Variants in CATSPERE observed in about 807,000 individuals in gnomAD.
The protein encoded by CATSPERE is cation channel sperm-associated auxiliary subunit epsilon.
A neutral mutation model predicts 114.1 loss-of-function variants in CATSPERE; 93 were observed. The ratio of observed to expected loss-of-function variants is 0.81; its 90% CI spans 0.69 to 0.97. The LOEUF is 0.97. Among genes scored for constraint, CATSPERE ranks in the 50% least tolerant of loss-of-function variants. The pLI is 0.00. For missense variants in CATSPERE, 1,058 were observed against 1,131.6 expected (o/e 0.93, Z 0.93); for synonymous variants, 341 against 384.1 (o/e 0.89, Z 1.31).
intron 13 of CATSPERE, among the ~76,000 whole-genome samples, chr1:244,587,125 T>C (rs1572890273): frequency 6.6e-6 from 1 of 152,244 alleles, no homozygotes; most frequent in African/African-American, 2.4e-5. Flanking sequence ...TGAGATTTAA[T>C]GAAGCTAATA....
At chr1:244,484,496 C>T (rs1441240041) in intron 5 of CATSPERE, among the ~76,000 whole-genome samples, 3 of 152,108 alleles carry the variant, frequency 2.0e-5, no homozygotes, top group Non-Finnish European at 4.4e-5. Context: ...TTCAGATGAG[C>T]GGTCTTATGC....
At chr1:244,531,724 G>T (rs566593758) in intron 8 of CATSPERE, among the ~76,000 whole-genome samples, 41 of 152,058 alleles carry the variant, frequency 2.7e-4, no homozygotes, top group Non-Finnish European at 2.5e-4. Context: ...CATTGAATTC[G>T]GTTTGTTACC....
rs372397620 is a variant in CATSPERE at position 244,568,535 on chromosome 1, G to T, written c.1508-3795G>T. Among the ~76,000 whole-genome samples, 10 of 152,344 alleles carry T rather than the reference G, an allele frequency of 6.6e-5. No individual in the cohort carries two copies. The highest frequency in any genetic ancestry group is 1.9e-4 in the East Asian group (1 of 5,182). On this transcript the variant is annotated intron_variant, in intron 10 of 21. Transcript: ENST00000366534. The surrounding 1 kb of genome is among the most constrained non-coding windows in gnomAD (Gnocchi z 4.4). ...GCTGCTGCCTTTCTTTCAGAGATGC[G>T]CTGCCCAGAGAGGAGGAATCTAGAG... is the stretch of plus-strand genomic sequence containing the variant.
At chr1:244,481,629 AC>A (rs974948171) in intron 5 of CATSPERE, among the ~76,000 whole-genome samples, 2 of 151,876 alleles carry the variant, frequency 1.3e-5, no homozygotes, top group African/African-American at 4.8e-5. Flanking sequence ...CACCCCATTT[AC>A]CCCCAAATTT....
upstream of CATSPERE, among the ~76,000 whole-genome samples, chr1:244,453,459 T>C (rs915825171): frequency 6.6e-6 from 1 of 152,234 alleles, no homozygotes; most frequent in African/African-American, 2.4e-5. Flanking sequence ...ATGAATTGGC[T>C]CTGTCTAGGC....
intron 21 of CATSPERE, among the ~76,000 whole-genome samples, chr1:244,635,859 C>A (rs1157868282): frequency 6.6e-6 from 1 of 152,128 alleles, no homozygotes; most frequent in Non-Finnish European, 1.5e-5. Flanking sequence ...TTCCCTGAAG[C>A]CCTGGTACTT....
chr1:244,510,349 T>TA (rs1489129781), intron 7 of CATSPERE, among the ~76,000 whole-genome samples: 1 of 152,236 alleles, frequency 6.6e-6, no homozygotes, highest in Non-Finnish European at 1.5e-5. Flanking sequence ...AGGAGCATGT[T>TA]GTTTAATTTC....
At chr1:244,557,341 A>G (rs758319953) in intron 9 of CATSPERE, among the ~76,000 whole-genome samples, 3 of 151,076 alleles carry the variant, frequency 2.0e-5, no homozygotes, top group Non-Finnish European at 4.4e-5. Flanking sequence ...CATTTTAACA[A>G]TAGTAATTAT....
chr1:244,563,125 A>G (rs879483229), intron 10 of CATSPERE, among the ~76,000 whole-genome samples: 6 of 152,164 alleles, frequency 3.9e-5, no homozygotes, highest in Non-Finnish European at 7.3e-5. Flanking sequence ...TTCTTTATCC[A>G]GTCTATCACT....
chr1:244,599,765 C>A (rs531555491), intron 17 of CATSPERE, among the ~76,000 whole-genome samples: 1 of 152,136 alleles, frequency 6.6e-6, no homozygotes, highest in African/African-American at 2.4e-5. Context: ...GCTTCCTTAC[C>A]GTTCCTCAAG....
chr1:244,471,608 A>G (rs1011965801), intron 2 of CATSPERE, among the ~76,000 whole-genome samples: 1 of 152,178 alleles, frequency 6.6e-6, no homozygotes, highest in African/African-American at 2.4e-5. Context: ...TGCATTTTCT[A>G]GATAGTCATA....
chr1:244,502,812 C>T (rs1345897544), intron 7 of CATSPERE, among the ~76,000 whole-genome samples: 2 of 152,136 alleles, frequency 1.3e-5, no homozygotes, highest in African/African-American at 4.8e-5. Context: ...CTGAGCTCCT[C>T]CAAGAAGCCA....
At chr1:244,555,034 A>G (rs1661362477) in intron 9 of CATSPERE, among the ~76,000 whole-genome samples, 1 of 152,188 alleles carries the variant, frequency 6.6e-6, no homozygotes, top group African/African-American at 2.4e-5. Context: ...ACACCATATG[A>G]TCCTCTCAAT....
In CATSPERE at chr1:244,560,858, T is replaced by A; in HGVS notation, c.1220T>A (p.Leu407Ter). ...TGHPLEIAVF[L>*]NYCTVCNVTK... ...CACCCTCTGGAGATTGCTGTGTTTT[T>A]AAATTATTGCACTGTATGTAACGTC... Residue 407 changes from leucine to a stop codon, truncating the protein, a stop_gained, in exon 10 of 22, where the codon TTA (leucine) becomes TAA (stop). Transcript: ENST00000366534. LOFTEE classifies it high-confidence loss of function. The A allele has an allele frequency of 6.2e-7, 1 of 1,614,128 alleles. No individual in the cohort carries two copies. Among genetic ancestry groups the A allele is most frequent in the Non-Finnish European group, 8.5e-7 (1 of 1,179,990 alleles).
intron 10 of CATSPERE, among the ~76,000 whole-genome samples, chr1:244,564,439 T>C (rs1181250091): frequency 6.6e-6 from 1 of 152,206 alleles, no homozygotes; most frequent in Non-Finnish European, 1.5e-5. Context: ...AGCAGTGGTT[T>C]GTAGTTCTCC....
intron 7 of CATSPERE, among the ~76,000 whole-genome samples, chr1:244,501,683 A>C (rs186297812): frequency 1.8e-4 from 27 of 152,362 alleles, no homozygotes; most frequent in Admixed American, 5.2e-4. Context: ...ATTTTAAGTA[A>C]ATATGCACAT....
intron 8 of CATSPERE, among the ~76,000 whole-genome samples, chr1:244,527,978 T>C (rs1392155639): frequency 6.6e-6 from 1 of 152,196 alleles, no homozygotes; most frequent in Non-Finnish European, 1.5e-5. Context: ...CTTCAACTTT[T>C]AAGTTCAGGG....
chr1:244,581,669 G>C, intron 11 of CATSPERE, 127 bp from the exon 12 acceptor site: 1 of 533,074 alleles, frequency 1.9e-6, no homozygotes, highest in Non-Finnish European at 3.4e-6. Context: ...TACACGTGAT[G>C]AACATCATTA....
At chr1:244,619,356 G>C (rs1194996817) in intron 20 of CATSPERE, among the ~76,000 whole-genome samples, 1 of 152,138 alleles carries the variant, frequency 6.6e-6, no homozygotes, top group Non-Finnish European at 1.5e-5. Flanking sequence ...GACAAAAACA[G>C]AAAGTTAATT....
Sources: allele counts gnomAD v4.1 joint callset (sites outside exome capture counted in the v4.1 genomes callset), GRCh38; gene constraint gnomAD v4.1.1; non-coding constraint Gnocchi (gnomAD v3.1); transcripts MANE v1.5; gene names NCBI Gene and HGNC (gene_info 2026-07-23, HGNC 2026-07-21).